Variants in ATF3 observed in about 807,000 individuals in gnomAD.
The protein encoded by ATF3 is cyclic AMP-dependent transcription factor ATF-3.
In ATF3, 10 loss-of-function variants were observed where a neutral mutation model predicts 18.4. The ratio of observed to expected loss-of-function variants is 0.54; its 90% CI spans 0.34 to 0.92. The LOEUF (loss-of-function observed/expected upper bound fraction) is 0.92, where lower values mean the gene tolerates loss of function less well. Ranked by LOEUF, ATF3 falls within the 40% of genes least tolerant of loss-of-function variation. The pLI, the probability that ATF3 is intolerant of heterozygous loss-of-function variation, is 0.02. For synonymous variants in ATF3, 78 were observed against 87.9 expected, an observed-to-expected ratio of 0.89 and a Z score of 0.63; for missense variants, 183 against 222.3, an observed-to-expected ratio of 0.82 and a Z score of 1.12.
At chr1:212,596,074 G>A (rs886284026) in intron 1 of ATF3, among the ~76,000 whole-genome samples, 4 of 152,204 alleles carry the variant, frequency 2.6e-5, no homozygotes. Context: ...CCCCAGTGGA[G>A]TGGGAACAAA....
intron 1 of ATF3, among the ~76,000 whole-genome samples, chr1:212,566,568 G>C (rs1280029022): frequency 6.6e-6 from 1 of 152,124 alleles, no homozygotes; most frequent in African/African-American, 2.4e-5. Context: ...AGGTTGAACT[G>C]TGACCAGGGC....
chr1:212,575,154 A>G (rs1403508157), intron 1 of ATF3, among the ~76,000 whole-genome samples: 2 of 152,112 alleles, frequency 1.3e-5, no homozygotes, highest in Non-Finnish European at 2.9e-5. Flanking sequence ...ACATTTTTAT[A>G]TTACTGAGTA....
intron 1 of ATF3, among the ~76,000 whole-genome samples, chr1:212,580,523 G>A (rs114693316): frequency 0.012 from 1,843 of 152,046 alleles, 28 homozygotes; most frequent in African/African-American, 0.037. Flanking sequence ...GGCTGGTCTC[G>A]AACTCCTGAG....
chr1:212,608,222 T>C (rs1271446623), upstream of ATF3, among the ~76,000 whole-genome samples: 1 of 151,914 alleles, frequency 6.6e-6, no homozygotes, highest in Non-Finnish European at 1.5e-5. Context: ...GGGGAGGGGG[T>C]ATTTTCCTGA....
rs781565869 is a variant in ATF3 at position 212,619,577 on chromosome 1, CT to C, written c.*23del. 1.2e-6 allele frequency: 2 copies of C among 1,613,250 alleles called. No individual in the cohort carries two copies. The highest frequency in any genetic ancestry group is 1.7e-6 in the Non-Finnish European group (2 of 1,179,598). ...CTAAGCAGTCGTGGTATGGGGGCGA[CT>C]GGGGAGTCCTCATTGAATCCTCATT... is the stretch of plus-strand genomic sequence containing the variant. On this transcript the variant is annotated 3_prime_UTR_variant, in exon 4 of 4. Coordinates refer to ENST00000341491, the MANE Select transcript of ATF3 (RefSeq NM_001674.4). The surrounding 1 kb of genome is among the most constrained non-coding windows in gnomAD (Gnocchi z 4.4).
chr1:212,608,343 C>G (rs1264913802), upstream of ATF3, among the ~76,000 whole-genome samples: 1 of 152,146 alleles, frequency 6.6e-6, no homozygotes, highest in Non-Finnish European at 1.5e-5. Flanking sequence ...GCCCCCCCCG[C>G]TCTTCAACCT....
chr1:212,579,619 G>A (rs886089597), intron 1 of ATF3, among the ~76,000 whole-genome samples: 1 of 152,150 alleles, frequency 6.6e-6, no homozygotes, highest in Admixed American at 6.5e-5. Context: ...AGACGCATTG[G>A]TGTAAGAGTT....
rs11571553 is a variant in ATF3, at chr1:212,619,238, G to A, written c.349-120G>A. On this transcript the variant is annotated intron_variant, in intron 3 of 3. Coordinates refer to ENST00000341491, the MANE Select transcript of ATF3 (RefSeq NM_001674.4). The surrounding 1 kb of genome is among the most constrained non-coding windows in gnomAD (Gnocchi z 4.4). ...CTCTCCCATCTCCCATCTTCCTCTCGCAGCTTGATGAGCCCCGGTGTGTCC... is the reference window on the plus strand; with the variant it reads ...CTCTCCCATCTCCCATCTTCCTCTCACAGCTTGATGAGCCCCGGTGTGTCC... 14,970 of 1,610,000 alleles carry A rather than the reference G, an allele frequency of 9.3e-3. 119 individuals are homozygous for A. The highest frequency in any genetic ancestry group is 0.032 in the Middle Eastern group (149 of 4,624).
At chr1:212,576,436 CTCTTA>C (rs1362937697) in intron 1 of ATF3, among the ~76,000 whole-genome samples, 2 of 151,614 alleles carry the variant, frequency 1.3e-5, no homozygotes, top group East Asian at 1.9e-4. Context: ...TTTCATTCTT[CTCTTA>C]TATTATTTTC....
chr1:212,612,166 C>T (rs554748764), intron 1 of ATF3, among the ~76,000 whole-genome samples: 1 of 152,256 alleles, frequency 6.6e-6, no homozygotes, highest in Admixed American at 6.5e-5. Context: ...TTCTGAAAGG[C>T]TTTTAACATT....
In ATF3 at chr1:212,615,273, C is replaced by T. The variant is rs371699192; in HGVS notation, c.240+12C>T. 1.7e-5 allele frequency: 27 copies of T among 1,608,770 alleles called. No homozygotes were observed. The highest frequency in any genetic ancestry group is 2.2e-5 in the East Asian group (1 of 44,850). On this transcript the variant is annotated intron_variant, in intron 2 of 3. Coordinates refer to ENST00000341491, the MANE Select transcript of ATF3 (RefSeq NM_001674.4). ...TCACAAAAGCCGAGGTGGGTTCTATCACAGGTATTCATTCTTTCGGCACAT... is the reference window on the plus strand; with the variant it reads ...TCACAAAAGCCGAGGTGGGTTCTATTACAGGTATTCATTCTTTCGGCACAT...
intron 1 of ATF3, among the ~76,000 whole-genome samples, chr1:212,584,405 C>T (rs1664740493): frequency 6.6e-6 from 1 of 151,924 alleles, no homozygotes; most frequent in Non-Finnish European, 1.5e-5. Context: ...CTTGAGGAGC[C>T]AATGGTGCAG....
At chr1:212,589,435 G>T (rs1376523161) in intron 1 of ATF3, among the ~76,000 whole-genome samples, 2 of 152,120 alleles carry the variant, frequency 1.3e-5, no homozygotes, top group African/African-American at 4.8e-5. Flanking sequence ...GAAATAGAAG[G>T]TTAAGTATAT....
intron 1 of ATF3, among the ~76,000 whole-genome samples, chr1:212,571,919 A>G (rs554307455): frequency 0.013 from 1,871 of 143,220 alleles, 22 homozygotes; most frequent in Non-Finnish European, 0.017. Context: ...TCACCATGTT[A>G]GCGAGGATGG....
At chr1:212,612,521 A>G (rs1330540219) in intron 1 of ATF3, among the ~76,000 whole-genome samples, 1 of 152,226 alleles carries the variant, frequency 6.6e-6, no homozygotes, top group Non-Finnish European at 1.5e-5. Flanking sequence ...GGAAACATGA[A>G]TGCATGGGAG....
At chr1:212,570,481 A>G (rs1363604177) in intron 1 of ATF3, among the ~76,000 whole-genome samples, 10 of 152,230 alleles carry the variant, frequency 6.6e-5, no homozygotes, top group Admixed American at 6.5e-4. Flanking sequence ...TGATGGTTGC[A>G]CATATCTATG....
intron 1 of ATF3, among the ~76,000 whole-genome samples, chr1:212,597,699 T>C (rs1178068148): frequency 6.6e-6 from 1 of 152,178 alleles, no homozygotes; most frequent in Non-Finnish European, 1.5e-5. Context: ...TCTCAGCTAG[T>C]GCAGAACCAG....
intron 1 of ATF3, among the ~76,000 whole-genome samples, chr1:212,574,737 G>A (rs1310289127): frequency 6.6e-6 from 1 of 152,040 alleles, no homozygotes; most frequent in Non-Finnish European, 1.5e-5. Flanking sequence ...TGGATAACCA[G>A]TTGTCCCAGT....
In ATF3 at chr1:212,615,256, G is replaced by T; in HGVS notation, c.235G>T (p.Ala79Ser). Residue 79 changes from alanine (A) to serine (S), a missense_variant, in exon 2 of 4, where the codon GCC becomes TCC. Coordinates refer to ENST00000341491, the MANE Select transcript of ATF3 (RefSeq NM_001674.4). ...DRPLGVSITK[A>S]EVAPEEDERK... ...ACCCCTCGGGGTGTCCATCACAAAA[G>T]CCGAGGTGGGTTCTATCACAGGTAT... The T allele has an allele frequency of 6.2e-7, 1 of 1,613,864 alleles. No homozygotes were observed. The highest frequency in any genetic ancestry group is 8.5e-7 in the Non-Finnish European group (1 of 1,179,772).
Sources: gnomAD v4.1 joint callset for allele counts (sites outside exome capture counted in the v4.1 genomes callset) on GRCh38, gnomAD v4.1.1 for gene constraint, Gnocchi (gnomAD v3.1) non-coding constraint, MANE v1.5 for transcripts, NCBI Gene and HGNC (gene_info 2026-07-23, HGNC 2026-07-21) for gene names.